DOCK1: variants seen among roughly 807,000 people sequenced by gnomAD.
The protein encoded by DOCK1 is dedicator of cytokinesis 1.
Under a neutral mutation model 262.7 loss-of-function variants are expected in DOCK1, and 138 were observed. The ratio of observed to expected loss-of-function variants is 0.53; its 90% confidence interval spans 0.46 to 0.61. The LOEUF (loss-of-function observed/expected upper bound fraction) is 0.61. Ranked by LOEUF, DOCK1 falls within the 20% of genes least tolerant of loss-of-function variation. The pLI is 0.00. For missense variants in DOCK1, 1,908 were observed against 2,370.7 expected (o/e 0.80, Z 4.05); for synonymous variants, 866 against 867.4 (o/e 1.00, Z 0.03).
chr10:127,434,676 C>T (rs1353062207), intron 48 of DOCK1, among the ~76,000 whole-genome samples: 2 of 146,602 alleles, frequency 1.4e-5, no homozygotes, highest in African/African-American at 5.1e-5. Flanking sequence ...TTTTTTGAGA[C>T]GGAGTCTCCC....
intron 29 of DOCK1, among the ~76,000 whole-genome samples, chr10:127,310,559 G>C (rs1037179909): frequency 5.9e-5 from 9 of 152,168 alleles, no homozygotes; most frequent in African/African-American, 2.2e-4. Flanking sequence ...CAAAGGGAGG[G>C]AGTAATTTGT....
At chr10:127,383,707 AC>A (rs1292846664) in intron 37 of DOCK1, among the ~76,000 whole-genome samples, 1 of 152,040 alleles carries the variant, frequency 6.6e-6, no homozygotes, top group Non-Finnish European at 1.5e-5. Flanking sequence ...CGTTGCCCGG[AC>A]CCCAGCTTCC....
chr10:127,228,622 G>A (rs2058726721), intron 27 of DOCK1, among the ~76,000 whole-genome samples: 1 of 152,170 alleles, frequency 6.6e-6, no homozygotes, highest in Non-Finnish European at 1.5e-5. Context: ...GAGCAGCCAC[G>A]AGGCTGTGCT....
intron 23 of DOCK1, among the ~76,000 whole-genome samples, chr10:127,074,394 G>A (rs1487402391): frequency 1.3e-5 from 2 of 152,150 alleles, no homozygotes; most frequent in African/African-American, 2.4e-5. Context: ...CATCACTCAA[G>A]TCAGATTTTA....
intron 47 of DOCK1, among the ~76,000 whole-genome samples, chr10:127,430,154 T>C (rs937742671): frequency 1.3e-5 from 2 of 152,146 alleles, no homozygotes; most frequent in Non-Finnish European, 2.9e-5. Flanking sequence ...GTTCTAGCTG[T>C]GGTATCCCCT....
intron 1 of DOCK1, among the ~76,000 whole-genome samples, chr10:126,960,826 G>A (rs1001852645): frequency 2.2e-5 from 3 of 137,788 alleles, no homozygotes; most frequent in Non-Finnish European, 4.6e-5. Context: ...ATATACGTGT[G>A]TATATCTATA....
chr10:127,332,413 A>C (rs2135677154), intron 29 of DOCK1, among the ~76,000 whole-genome samples: 1 of 152,344 alleles, frequency 6.6e-6, no homozygotes, highest in South Asian at 2.1e-4. Flanking sequence ...TAGTGCAGAC[A>C]GGAAATAATA....
At chr10:126,968,013 G>A (rs1240004257) in intron 1 of DOCK1, among the ~76,000 whole-genome samples, 1 of 151,918 alleles carries the variant, frequency 6.6e-6, no homozygotes, top group Admixed American at 6.6e-5. Flanking sequence ...ACGGGGTTTT[G>A]CCTTGATAGC....
At chr10:127,325,694 C>T (rs1030490037) in intron 29 of DOCK1, among the ~76,000 whole-genome samples, 2 of 152,130 alleles carry the variant, frequency 1.3e-5, no homozygotes, top group Non-Finnish European at 2.9e-5. Context: ...CCTGTATGTC[C>T]AGGAAAGAAT....
At chr10:127,220,501 T>C (rs1408206220) in intron 27 of DOCK1, among the ~76,000 whole-genome samples, 1 of 152,154 alleles carries the variant, frequency 6.6e-6, no homozygotes, top group Admixed American at 6.5e-5. Context: ...ATGCAATATT[T>C]AGGATATACT....
intron 27 of DOCK1, among the ~76,000 whole-genome samples, chr10:127,182,964 G>A (rs1034486904): frequency 4.6e-5 from 7 of 151,996 alleles, no homozygotes; most frequent in Non-Finnish European, 8.8e-5. Context: ...CACAGAAGAG[G>A]TGGTCTCCCT....
intron 29 of DOCK1, among the ~76,000 whole-genome samples, chr10:127,261,233 GTGTGTGTACCTGCATGTGTGTGCA>G (rs2060079388): frequency 7.5e-6 from 1 of 134,032 alleles, no homozygotes. Context: ...GTGGGTGTGC[GTGTGTGTACCTGCATGTGTGTGCA>G]TGTGGGTGTG....
intron 27 of DOCK1, among the ~76,000 whole-genome samples, chr10:127,133,806 G>A (rs2050474314): frequency 6.6e-6 from 1 of 152,182 alleles, no homozygotes; most frequent in Non-Finnish European, 1.5e-5. Context: ...ATGACTTTAT[G>A]CCAGTTCATG....
chr10:126,948,513 G>A (rs1014224045), intron 1 of DOCK1, among the ~76,000 whole-genome samples: 8 of 151,876 alleles, frequency 5.3e-5, no homozygotes, highest in Non-Finnish European at 8.8e-5. Context: ...CTGTCCAGCC[G>A]GGCCTTTTGA....
intron 25 of DOCK1, among the ~76,000 whole-genome samples, chr10:127,119,480 C>T (rs535319515): frequency 3.9e-4 from 60 of 152,164 alleles, no homozygotes; most frequent in Non-Finnish European, 7.8e-4. Context: ...CTTCCAGTGT[C>T]GGCACCGTCT....
chr10:127,389,087 A>T (rs1225696761), intron 38 of DOCK1, among the ~76,000 whole-genome samples: 1 of 152,120 alleles, frequency 6.6e-6, no homozygotes, highest in African/African-American at 2.4e-5. Flanking sequence ...TCCGTTAAAG[A>T]GGGGGCTTAG....
At chr10:127,092,582 C>T (rs1206844771) in intron 23 of DOCK1, among the ~76,000 whole-genome samples, 6 of 151,962 alleles carry the variant, frequency 3.9e-5, no homozygotes, top group East Asian at 1.9e-4. Context: ...GACTGAGGAT[C>T]GAGCAGTTCT....
At chr10:127,066,275 TCTC>T (rs147929587) in intron 23 of DOCK1, among the ~76,000 whole-genome samples, 26,663 of 151,964 alleles carry the variant, frequency 0.18, 2,480 homozygotes, top group South Asian at 0.32. Flanking sequence ...TGTCTTCTCT[TCTC>T]TGTGCTACTG....
In DOCK1 at chr10:126,998,262, T is replaced by C. The variant is rs768830751; in HGVS notation, c.767+13T>C. 1 of 1,613,356 alleles carries C rather than the reference T, an allele frequency of 6.2e-7. No individual in the cohort carries two copies. The highest frequency in any genetic ancestry group is 1.1e-5 in the South Asian group (1 of 91,040). ...CCAAATTCATCAGGTGGGTGACATT[T>C]CTTGGCTGCCGTCTTTCCTCTTTGG... On this transcript the variant is annotated intron_variant, in intron 8 of 51. Coordinates refer to ENST00000623213, the MANE Select transcript of DOCK1 (RefSeq NM_001290223.2).
Sources: allele counts gnomAD v4.1 joint callset (sites outside exome capture counted in the v4.1 genomes callset), GRCh38; gene constraint gnomAD v4.1.1; transcripts MANE v1.5; gene names NCBI Gene and HGNC (gene_info 2026-07-23, HGNC 2026-07-21).